Variants in RNF17 observed in about 807,000 individuals in gnomAD.
RNF17 encodes the protein spermatogenesis associated 23.
RNF17 carries 31 observed loss-of-function variants against 200.5 expected under a neutral mutation model. The observed-to-expected ratio is 0.15, with a 90% confidence interval of 0.12 to 0.21. RNF17 has a LOEUF of 0.21. RNF17 is among the 10% of genes least tolerant of loss of function. The pLI is 1.00. For missense variants in RNF17, 1,628 were observed against 1,905.1 expected (o/e 0.85, Z 2.71); for synonymous variants, 606 against 637.8 (o/e 0.95, Z 0.75).
intron 25 of RNF17, among the ~76,000 whole-genome samples, chr13:24,854,740 A>G (rs185773300): frequency 1.0e-3 from 156 of 152,386 alleles, no homozygotes; most frequent in African/African-American, 3.6e-3. Flanking sequence ...TGACTCCCAC[A>G]ATGGGTCAAT....
rs535488635 is a variant in RNF17 at position 24,801,705 on chromosome 13, A to G, written c.1759-676A>G. On this transcript the variant is annotated intron_variant, in intron 13 of 35. Coordinates refer to ENST00000255324, the MANE Select transcript of RNF17 (RefSeq NM_031277.3). Reference sequence around the variant, plus strand: ...AAATCTTATGCATTGCTAGTAATGGAAGCTAGATTAACTGATGATTGTAAA... The same window carrying G: ...AAATCTTATGCATTGCTAGTAATGGGAGCTAGATTAACTGATGATTGTAAA... Among the ~76,000 whole-genome samples the G allele has an allele frequency of 1.1e-4, 17 of 152,302 alleles. No individual in the cohort carries two copies. In the South Asian group the frequency reaches 3.5e-3, roughly 32 times the overall value.
At chr13:24,767,404 C>T in intron 2 of RNF17, 38 bp downstream of exon 2, 1 of 1,312,800 alleles carries the variant, frequency 7.6e-7, no homozygotes, top group Non-Finnish European at 1.1e-6. Flanking sequence ...CATATCACAA[C>T]CTAATGTTAA....
At chr13:24,807,077 T>A (rs945539840) in intron 15 of RNF17, among the ~76,000 whole-genome samples, 2 of 151,714 alleles carry the variant, frequency 1.3e-5, no homozygotes, top group Non-Finnish European at 2.9e-5. Context: ...GTTCCAAGTC[T>A]TTGCTATCAT....
Position 24,831,954 on chromosome 13 carries a change from A to G in RNF17, c.2458A>G (p.Lys820Glu), listed in dbSNP as rs1889462358. ...AAAATTTGAAGAAAAGGCTCAAGAT[A>G]AATTTATGACATGTTCAGTTATCAG... is the stretch of plus-strand genomic sequence containing the variant. Reference protein sequence around the residue: ...KEKFEEKAQDKFMTCSVIKIL... With the variant: ...KEKFEEKAQDEFMTCSVIKIL... The change falls in exon 18 of 36, where the codon AAA (lysine) becomes GAA (glutamate). Residue 820 changes from lysine to glutamate, a missense_variant. Around this residue, in one of 5 missense-constraint regions of RNF17, gnomAD observed 227 missense variants for 319.8 expected, o/e 0.71. Coordinates refer to ENST00000255324, the MANE Select transcript of RNF17 (RefSeq NM_031277.3). The G allele has an allele frequency of 1.3e-6, 2 of 1,591,708 alleles. No individual in the cohort carries two copies. The highest frequency in any genetic ancestry group is 1.7e-6 in the Non-Finnish European group (2 of 1,162,578).
At chr13:24,759,564 T>G (rs1237883287), upstream of RNF17, among the ~76,000 whole-genome samples, 2 of 152,174 alleles carry the variant, frequency 1.3e-5, no homozygotes, top group African/African-American at 2.4e-5. Context: ...CACAAGATGT[T>G]GTAGTTGTCA....
At chr13:24,884,301 G>C (rs942970541), downstream of RNF17, 2 of 1,613,972 alleles carry the variant, frequency 1.2e-6, no homozygotes, top group African/African-American at 2.7e-5. Context: ...AACTATGGAG[G>C]AGAACACCTC....
intron 14 of RNF17, among the ~76,000 whole-genome samples, chr13:24,803,158 G>T (rs1033242888): frequency 6.6e-6 from 1 of 152,088 alleles, no homozygotes; most frequent in African/African-American, 2.4e-5. Context: ...ATTAGCAGCT[G>T]TATGAGGATT....
At chr13:24,815,172 G>A (rs1181367470) in intron 15 of RNF17, among the ~76,000 whole-genome samples, 1 of 152,150 alleles carries the variant, frequency 6.6e-6, no homozygotes. Context: ...TCTTATCCAT[G>A]AACACCGGAT....
intron 14 of RNF17, 149 bp downstream of exon 14, chr13:24,802,720 A>G: frequency 6.8e-6 from 4 of 591,426 alleles, no homozygotes; most frequent in South Asian, 2.7e-5. Flanking sequence ...TTCTGAGTAC[A>G]GTTGTTGTCT....
At chr13:24,821,436 A>T (rs757957281) in intron 15 of RNF17, among the ~76,000 whole-genome samples, 19 of 152,174 alleles carry the variant, frequency 1.2e-4, no homozygotes, top group Non-Finnish European at 2.2e-4. Flanking sequence ...TTTAAAAATA[A>T]TTTTTTGCCT....
intron 15 of RNF17, among the ~76,000 whole-genome samples, chr13:24,816,391 T>C (rs919671044): frequency 2.6e-5 from 4 of 152,186 alleles, no homozygotes; most frequent in Non-Finnish European, 4.4e-5. Flanking sequence ...TCCCTCCCCA[T>C]GTGGCTGTTT....
chr13:24,786,914 G>C (rs1001375543), intron 6 of RNF17, among the ~76,000 whole-genome samples: 2 of 151,894 alleles, frequency 1.3e-5, no homozygotes, highest in African/African-American at 4.8e-5. Flanking sequence ...CTGTCTCTTT[G>C]TCTCTCTCTT....
chr13:24,885,595 CAG>C, the RNF17 span: 14 of 1,589,422 alleles, frequency 8.8e-6, no homozygotes, highest in African/African-American at 2.7e-5. Flanking sequence ...TATATAAAAA[CAG>C]AGATTTACTT....
the RNF17 span, among the ~76,000 whole-genome samples, chr13:24,886,682 T>A: frequency 2.6e-5 from 4 of 152,178 alleles, no homozygotes; most frequent in African/African-American, 7.2e-5. Context: ...CCCCACAGGT[T>A]ATGTGTGCAA....
intron 6 of RNF17, among the ~76,000 whole-genome samples, chr13:24,783,939 C>T (rs1362869725): frequency 1.3e-5 from 2 of 152,190 alleles, no homozygotes; most frequent in Admixed American, 1.3e-4. Flanking sequence ...AAAGCAGGTA[C>T]GTCTTGTGCC....
At chr13:24,806,890 T>A (rs1453429713) in intron 15 of RNF17, among the ~76,000 whole-genome samples, 1 of 148,992 alleles carries the variant, frequency 6.7e-6, no homozygotes, top group African/African-American at 2.5e-5. Flanking sequence ...TGAGTAAGAA[T>A]ATGCGGTGTT....
At chr13:24,816,359 A>G (rs1341232266) in intron 15 of RNF17, among the ~76,000 whole-genome samples, 1 of 152,142 alleles carries the variant, frequency 6.6e-6, no homozygotes, top group East Asian at 1.9e-4. Flanking sequence ...ATACCACCTC[A>G]TCTTTGGCCT....
rs115979934 is a variant in RNF17, at chr13:24,842,846, G to A, written c.2603+685G>A. 9.7e-3 allele frequency among the ~76,000 whole-genome samples: 1,481 copies of A among 152,086 alleles called. 33 individuals carry two copies. Among genetic ancestry groups the A allele is most frequent in the African/African-American group, 0.032 (1,340 of 41,500 alleles). On this transcript the variant is annotated intron_variant, in intron 19 of 35. Coordinates refer to ENST00000255324, the MANE Select transcript of RNF17 (RefSeq NM_031277.3). Reference sequence around the variant, plus strand: ...CTAAAAATAAAAAAATTAGCTGGGCGTGGTGGCGTGCGTGCCTATAGTCCC... The same window carrying A: ...CTAAAAATAAAAAAATTAGCTGGGCATGGTGGCGTGCGTGCCTATAGTCCC...
rs1371251185 is a variant in RNF17, at chr13:24,879,227, A to T, written c.4814A>T (p.Glu1605Val). The T allele has an allele frequency of 1.2e-6, 2 of 1,613,934 alleles. No individual in the cohort carries two copies. Among genetic ancestry groups the T allele is most frequent in the Non-Finnish European group, 1.7e-6 (2 of 1,179,820 alleles). The change falls in exon 35 of 36, where the codon GAA becomes GTA. Residue 1605 changes from glutamate to valine, a missense_variant. Physicochemically the swap from Glu to Val is moderately radical, Grantham distance 121 (BLOSUM62 -2). Transcript: ENST00000255324. ...PEQIVTLYDD[E>V]QHPVHMPLVE... ...CAGATAGTGACATTATATGACGATG[A>T]ACAGCATCCAGTTCATATGCCGTTG... is the stretch of plus-strand genomic sequence containing the variant.
Sources: gnomAD v4.1 joint callset for allele counts (sites outside exome capture counted in the v4.1 genomes callset) on GRCh38, gnomAD v4.1.1 for gene constraint, gnomAD v4.1.1 regional missense constraint, MANE v1.5 for transcripts, NCBI Gene and HGNC (gene_info 2026-07-23, HGNC 2026-07-21) for gene names.